Variants in SLC27A1 observed in about 807,000 individuals in gnomAD.
SLC27A1 encodes solute carrier family 27 member 1.
In SLC27A1, 61 loss-of-function variants were observed where a neutral mutation model predicts 62.2. That is an observed-to-expected ratio of 0.98 (90% CI 0.80 to 1.21). The LOEUF is 1.21. SLC27A1 is among the 50% of genes most tolerant of loss of function. The probability of loss-of-function intolerance (pLI) is 0.00; values close to 1 mark genes in which losing one functional copy is unlikely to be tolerated. For missense variants in SLC27A1, 903 were observed against 932.1 expected (o/e 0.97, Z 0.41); for synonymous variants, 435 against 408.6 (o/e 1.06, Z -0.78).
chr19:17,500,823 T>C lies in SLC27A1; in HGVS notation c.1583T>C (p.Leu528Pro). 6.2e-7 allele frequency: 1 copy of C among 1,611,012 alleles called. No individual in the cohort carries two copies. The highest frequency in any genetic ancestry group is 1.3e-5 in the African/African-American group (1 of 74,936). Residue 528 changes from leucine to proline, a missense_variant, in exon 10 of 12, where the codon CTG becomes CCG. Transcript: ENST00000252595. ...TCCACCACCGAGGTGGAGGGCGTGCTGAGCCGCCTGCTGGGCCAGACAGAC... is the reference window on the plus strand; with the variant it reads ...TCCACCACCGAGGTGGAGGGCGTGCCGAGCCGCCTGCTGGGCCAGACAGAC... The part of the protein sequence containing the change: ...NVSTTEVEGV[L>P]SRLLGQTDVA...
At chr19:17,504,327 A>G (rs2075451241) in intron 11 of SLC27A1, 128 bp from the exon 12 acceptor site, 3 of 1,217,070 alleles carry the variant, frequency 2.5e-6, no homozygotes, top group South Asian at 1.4e-5. Flanking sequence ...GGCAGGCAAA[A>G]TGGGGAAGAA....
chr19:17,504,907 T>A lies in SLC27A1; in HGVS notation c.*295T>A. 1.8e-6 allele frequency: 1 copy of A among 550,074 alleles called. No individual in the cohort carries two copies. Among genetic ancestry groups the A allele is most frequent in the Non-Finnish European group, 3.5e-6 (1 of 288,848 alleles). The allele number at this position is 550,074 out of a possible 1,614,324, so 34.1% of individuals were successfully genotyped here. A position where few individuals can be genotyped will look rare whatever the true frequency, so the allele number is the denominator to read the frequency against. ...TCTTTTCTTTCTTTCTTTCTTTTTTTTTTAAGATAGAGTCTCACTCTGCTG... is the reference window on the plus strand; with the variant it reads ...TCTTTTCTTTCTTTCTTTCTTTTTTATTTAAGATAGAGTCTCACTCTGCTG... On this transcript the variant is annotated 3_prime_UTR_variant, in exon 12 of 12. Coordinates refer to ENST00000252595, the MANE Select transcript of SLC27A1 (RefSeq NM_198580.3).
intron 11 of SLC27A1, among the ~76,000 whole-genome samples, chr19:17,502,254 C>A (rs1287289760): frequency 6.6e-6 from 1 of 151,624 alleles, no homozygotes; most frequent in Non-Finnish European, 1.5e-5. Context: ...TGGGCTCTCA[C>A]GGGTCCCTTC....
In SLC27A1 at chr19:17,472,042, A is replaced by C. The variant is rs2075081471; in HGVS notation, c.167+1335A>C. Among the ~76,000 whole-genome samples the C allele has an allele frequency of 2.6e-5, 4 of 152,130 alleles. No individual in the cohort carries two copies. The South Asian group carries it at 8.3e-4, about 31-fold the overall frequency. On this transcript the variant is annotated intron_variant, in intron 1 of 11. Coordinates refer to ENST00000252595, the MANE Select transcript of SLC27A1 (RefSeq NM_198580.3). The stretch of plus-strand genomic sequence containing the variant: ...AGCCAGGGCAGGCTCTCCCTCTGGG[A>C]ACCTTTGCTGAATTTTCCTGCTCAG...
In SLC27A1 at chr19:17,488,106, C is replaced by T. The variant is rs555426069; in HGVS notation, c.794+577C>T. ...AGGCGTGGTGGCTTACGCCTGTAAC[C>T]CCAACACTTTGGGAGGCTGAGGCAG... is the stretch of plus-strand genomic sequence containing the variant. On this transcript the variant is annotated intron_variant, in intron 4 of 11. Coordinates refer to ENST00000252595, the MANE Select transcript of SLC27A1 (RefSeq NM_198580.3). Among the ~76,000 whole-genome samples the T allele has an allele frequency of 4.6e-5, 7 of 152,340 alleles. No individual in the cohort carries two copies. The South Asian group carries it at 1.4e-3, about 32-fold the overall frequency.
intron 3 of SLC27A1, 58 bp downstream of exon 3, chr19:17,487,393 G>A (rs1043194868): frequency 2.1e-5 from 6 of 279,692 alleles, no homozygotes; most frequent in South Asian, 6.1e-5. Context: ...CCCAGGCCCC[G>A]CCCCCAACTT....
intron 6 of SLC27A1, among the ~76,000 whole-genome samples, chr19:17,494,696 G>T (rs1222218821): frequency 6.6e-6 from 1 of 151,714 alleles, no homozygotes; most frequent in Non-Finnish European, 1.5e-5. Flanking sequence ...CCTTATTTGT[G>T]TTTGCAGCCC....
chr19:17,498,683 G>A (rs8108713), intron 7 of SLC27A1: 30 of 240,108 alleles, frequency 1.2e-4, no homozygotes, highest in Non-Finnish European at 2.2e-4. Flanking sequence ...ACCAAGAGGC[G>A]GAGACCGGTA....
chr19:17,472,519 T>C (rs908190490), intron 1 of SLC27A1, among the ~76,000 whole-genome samples: 2 of 152,056 alleles, frequency 1.3e-5, no homozygotes, highest in Non-Finnish European at 2.9e-5. Context: ...TTACCTTTTG[T>C]CTATTGCTCA....
intron 1 of SLC27A1, among the ~76,000 whole-genome samples, chr19:17,485,508 T>C (rs892978692): frequency 1.3e-5 from 2 of 148,538 alleles, no homozygotes; most frequent in Non-Finnish European, 3.0e-5. Flanking sequence ...CTTGTTTGTT[T>C]GTTTGTTTGT....
At chr19:17,470,878 G>A (rs1242740150) in intron 1 of SLC27A1, among the ~76,000 whole-genome samples, 171 bp downstream of exon 1, 1 of 150,924 alleles carries the variant, frequency 6.6e-6, no homozygotes, top group Non-Finnish European at 1.5e-5. Flanking sequence ...GGCCTGAGAG[G>A]GTGACCAGTT....
At position 17,505,852 on chromosome 19, in the gene SLC27A1, C is replaced by G. The variant is rs2075474418; in HGVS notation, c.*1240C>G. The G allele has an allele frequency of 6.6e-6, 1 of 152,588 alleles. No individual in the cohort carries two copies. The highest frequency in any genetic ancestry group is 6.5e-5 in the Admixed American group (1 of 15,270). 9.5% of individuals were successfully genotyped at this position (152,588 alleles called of 1,614,324 possible). On this transcript the variant is annotated 3_prime_UTR_variant, in exon 12 of 12. Coordinates refer to ENST00000252595, the MANE Select transcript of SLC27A1 (RefSeq NM_198580.3). ...AGGGGTTCTAGCCTGTTGAATATAC[C>G]CCACCTGGTGGTGGCCCCTCCGATG...
rs572312637 is a variant in SLC27A1, at chr19:17,503,791, G to A, written c.1784-664G>A. Among the ~76,000 whole-genome samples, 5 of 151,964 alleles carry A rather than the reference G, an allele frequency of 3.3e-5. No homozygotes were observed. The South Asian group carries it at 1.0e-3, about 32-fold the overall frequency. On this transcript the variant is annotated intron_variant, in intron 11 of 11. Transcript: ENST00000252595. Reference sequence around the variant, plus strand: ...TACCAAAATTTTAAAAATTAGCCACGTGTGGTGGTGCACGCCTATAATCCC... The same window carrying A: ...TACCAAAATTTTAAAAATTAGCCACATGTGGTGGTGCACGCCTATAATCCC...
intron 11 of SLC27A1, among the ~76,000 whole-genome samples, chr19:17,501,727 T>C (rs1446160548): frequency 1.4e-5 from 2 of 138,094 alleles, no homozygotes; most frequent in Non-Finnish European, 3.0e-5. Flanking sequence ...GGCATGAACC[T>C]GGGAGGCGGA....
At chr19:17,474,144 A>G (rs1185800755) in intron 1 of SLC27A1, among the ~76,000 whole-genome samples, 2 of 152,078 alleles carry the variant, frequency 1.3e-5, no homozygotes, top group Non-Finnish European at 2.9e-5. Context: ...AGGTCTCACT[A>G]TGTTGTCCAG....
intron 1 of SLC27A1, among the ~76,000 whole-genome samples, chr19:17,476,245 G>A (rs2075120766): frequency 6.6e-6 from 1 of 152,006 alleles, no homozygotes; most frequent in Non-Finnish European, 1.5e-5. Flanking sequence ...GTGTATACTA[G>A]GTGCTCCAGG....
chr19:17,482,853 G>A (rs547779701), intron 1 of SLC27A1, among the ~76,000 whole-genome samples: 1 of 152,082 alleles, frequency 6.6e-6, no homozygotes, highest in Non-Finnish European at 1.5e-5. Flanking sequence ...AATGAACATT[G>A]GTCCACCCTC....
At chr19:17,472,084 CTTG>C (rs2144536257) in intron 1 of SLC27A1, among the ~76,000 whole-genome samples, 1 of 152,336 alleles carries the variant, frequency 6.6e-6, no homozygotes, top group South Asian at 2.1e-4. Context: ...CCCATAGCTC[CTTG>C]TTGCCCTTAG....
rs772031065 is a variant in SLC27A1 at position 17,487,192 on chromosome 19, G to C, written c.581G>C (p.Gly194Ala). ...ACCACAGCGGTGGCCGAAGTGAGCGGGCATCTGGGGAAAAGTTTGATCAAG... is the reference window on the plus strand; with the variant it reads ...ACCACAGCGGTGGCCGAAGTGAGCGCGCATCTGGGGAAAAGTTTGATCAAG... Reference protein sequence around the residue: ...EMVAAVAEVSGHLGKSLIKFC... With the variant: ...EMVAAVAEVSAHLGKSLIKFC... Residue 194 changes from glycine (G) to alanine (A), a missense_variant, in exon 3 of 12, where the codon GGG becomes GCG. Transcript: ENST00000252595. The C allele has an allele frequency of 1.2e-6, 2 of 1,614,088 alleles. No individual in the cohort carries two copies. Among genetic ancestry groups the C allele is most frequent in the East Asian group, 4.5e-5 (2 of 44,868 alleles).
Sources: allele counts gnomAD v4.1 joint callset (sites outside exome capture counted in the v4.1 genomes callset), GRCh38; gene constraint gnomAD v4.1.1; transcripts MANE v1.5; gene names NCBI Gene and HGNC (gene_info 2026-07-23, HGNC 2026-07-21).